Variants in AUTS2 observed in about 807,000 individuals in gnomAD.
The protein encoded by AUTS2 is autism susceptibility gene 2 protein.
In AUTS2, 17 loss-of-function variants were observed where a neutral mutation model predicts 112.4. That is an observed-to-expected ratio of 0.15 (90% CI 0.10 to 0.23). The LOEUF (loss-of-function observed/expected upper bound fraction) is 0.23. Ranked by LOEUF, AUTS2 falls within the 10% of genes least tolerant of loss-of-function variation. The probability of loss-of-function intolerance (pLI) is 1.00; values close to 1 mark genes in which losing one functional copy is unlikely to be tolerated. For synonymous variants in AUTS2, 751 were observed against 702.7 expected (o/e 1.07, Z -1.09); for missense variants, 1,510 against 1,701.6 (o/e 0.89, Z 1.98).
chr7:70,240,754 A>T (rs989263844), intron 4 of AUTS2, among the ~76,000 whole-genome samples: 1 of 152,196 alleles, frequency 6.6e-6, no homozygotes, highest in African/African-American at 2.4e-5. Context: ...CCTTTAATTC[A>T]TGGGTTTATG....
chr7:70,741,303 A>G (rs1413406400), intron 6 of AUTS2, among the ~76,000 whole-genome samples: 2 of 151,806 alleles, frequency 1.3e-5, no homozygotes, highest in Admixed American at 6.6e-5. Flanking sequence ...TATGGGAGAA[A>G]TGGGATTAGG....
intron 4 of AUTS2, among the ~76,000 whole-genome samples, chr7:70,431,934 T>C (rs969945668): frequency 6.6e-6 from 1 of 152,256 alleles, no homozygotes; most frequent in Non-Finnish European, 1.5e-5. Flanking sequence ...ACACGTCCTC[T>C]TTCTCTCCTT....
intron 4 of AUTS2, among the ~76,000 whole-genome samples, chr7:70,383,788 G>A (rs1793483071): frequency 6.6e-6 from 1 of 152,230 alleles, no homozygotes; most frequent in Non-Finnish European, 1.5e-5. Context: ...ACAGACTGCA[G>A]CCTCTTAGGA....
chr7:69,704,281 ATT>A (rs547599037), intron 1 of AUTS2, among the ~76,000 whole-genome samples: 1 of 145,318 alleles, frequency 6.9e-6, no homozygotes. Flanking sequence ...CTAAAATACA[ATT>A]TTTTTTTTTT....
intron 1 of AUTS2, among the ~76,000 whole-genome samples, chr7:69,705,311 C>T (rs1007302432): frequency 1.3e-5 from 2 of 152,184 alleles, no homozygotes; most frequent in African/African-American, 4.8e-5. Context: ...AATACTAGTA[C>T]TACTACTACC....
At chr7:70,440,656 G>A (rs911049059) in intron 5 of AUTS2, among the ~76,000 whole-genome samples, 3 of 152,166 alleles carry the variant, frequency 2.0e-5, no homozygotes, top group African/African-American at 7.2e-5. Context: ...CAGGCTGAAT[G>A]GAAGTGTTAA....
At chr7:69,899,685 A>T (rs1005724968) in intron 2 of AUTS2, among the ~76,000 whole-genome samples, 187 bp downstream of exon 2, 19 of 152,234 alleles carry the variant, frequency 1.2e-4, no homozygotes, top group Non-Finnish European at 1.5e-4. Flanking sequence ...TTCTATGAGG[A>T]TTTGAAACTT....
rs1800009807 is a variant in AUTS2 at position 70,529,930 on chromosome 7, G to A, written c.690+94149G>A. Among the ~76,000 whole-genome samples the A allele has an allele frequency of 2.6e-5, 4 of 152,178 alleles. No homozygotes were observed. The South Asian group carries it at 8.3e-4, about 32-fold the overall frequency. On this transcript the variant is annotated intron_variant, in intron 5 of 18. Coordinates refer to ENST00000342771, the MANE Select transcript of AUTS2 (RefSeq NM_015570.4). ...CTAGAAAATTAGAATTTGCTTGGGG[G>A]AAAAATATGTTCTGGAAAAGATAAA...
intron 6 of AUTS2, among the ~76,000 whole-genome samples, chr7:70,754,348 G>C (rs1166379420): frequency 1.3e-5 from 2 of 152,206 alleles, no homozygotes; most frequent in African/African-American, 4.8e-5. Context: ...CAATTAACCA[G>C]CATGGTGGCA....
chr7:70,338,554 C>T (rs773723991), intron 4 of AUTS2, among the ~76,000 whole-genome samples: 4 of 152,150 alleles, frequency 2.6e-5, no homozygotes, highest in Non-Finnish European at 5.9e-5. Context: ...GCCTGCTATA[C>T]AAGATGGTTA....
chr7:70,769,209 C>T (rs2129557914), intron 10 of AUTS2, among the ~76,000 whole-genome samples: 1 of 152,246 alleles, frequency 6.6e-6, no homozygotes, highest in South Asian at 2.1e-4. Flanking sequence ...TGAGTGATGC[C>T]TCCTCCCCCT....
At chr7:70,623,748 C>T (rs1804794435) in intron 5 of AUTS2, among the ~76,000 whole-genome samples, 1 of 152,216 alleles carries the variant, frequency 6.6e-6, no homozygotes, top group African/African-American at 2.4e-5. Flanking sequence ...AAGAGGCAGC[C>T]TTCACTCTGC....
At chr7:70,027,612 T>C (rs2129556053) in intron 2 of AUTS2, among the ~76,000 whole-genome samples, 2 of 152,322 alleles carry the variant, frequency 1.3e-5, no homozygotes, top group East Asian at 3.9e-4. Context: ...AAAAACATTG[T>C]ACTGGTTTCA....
intron 2 of AUTS2, among the ~76,000 whole-genome samples, chr7:69,921,338 T>G (rs1280443010): frequency 6.7e-6 from 1 of 149,268 alleles, no homozygotes; most frequent in Non-Finnish European, 1.5e-5. Flanking sequence ...TTTTTTTTTT[T>G]TTTTTTTTTT....
intron 4 of AUTS2, among the ~76,000 whole-genome samples, chr7:70,361,485 C>T (rs1238119961): frequency 6.6e-6 from 1 of 152,104 alleles, no homozygotes; most frequent in Non-Finnish European, 1.5e-5. Flanking sequence ...CGGGCATGTG[C>T]TTATGTTCGT....
At chr7:70,685,810 C>T (rs578100564) in intron 5 of AUTS2, among the ~76,000 whole-genome samples, 29 of 152,320 alleles carry the variant, frequency 1.9e-4, no homozygotes, top group African/African-American at 6.0e-4. Flanking sequence ...AGCAGTTCCC[C>T]GTTTCCCACA....
intron 4 of AUTS2, among the ~76,000 whole-genome samples, chr7:70,362,843 G>T (rs1393895108): frequency 1.3e-5 from 2 of 152,180 alleles, no homozygotes; most frequent in African/African-American, 2.4e-5. Context: ...TGCAAGGCAT[G>T]AACACCTGGA....
intron 3 of AUTS2, among the ~76,000 whole-genome samples, chr7:70,129,711 T>G (rs1806168292): frequency 6.6e-6 from 1 of 152,128 alleles, no homozygotes; most frequent in African/African-American, 2.4e-5. Context: ...AAATCAGAGG[T>G]AGAAGCCAGA....
intron 1 of AUTS2, among the ~76,000 whole-genome samples, chr7:69,850,321 A>AAAAAC (rs1191195588): frequency 1.3e-5 from 2 of 149,516 alleles, no homozygotes; most frequent in Admixed American, 6.7e-5. Flanking sequence ...AAACAAAAAC[A>AAAAAC]AAAAAACCCG....
Sources: gnomAD v4.1 joint callset for allele counts (sites outside exome capture counted in the v4.1 genomes callset) on GRCh38, gnomAD v4.1.1 for gene constraint, MANE v1.5 for transcripts, NCBI Gene and HGNC (gene_info 2026-07-23, HGNC 2026-07-21) for gene names.